Variants in FSTL4 observed in about 807,000 individuals in gnomAD.
FSTL4 encodes follistatin like 4.
In FSTL4, 28 loss-of-function variants were observed where a neutral mutation model predicts 78.2. That is an observed-to-expected ratio of 0.36 (90% CI 0.27 to 0.49). The LOEUF is 0.49. Ranked by LOEUF, FSTL4 falls within the 20% of genes least tolerant of loss-of-function variation. The pLI is 0.98. For missense variants in FSTL4, 922 were observed against 1,084.9 expected (o/e 0.85, Z 2.11); for synonymous variants, 422 against 440.5 (o/e 0.96, Z 0.53).
At chr5:133,210,352 G>C in intron 13 of FSTL4, 54 bp from the exon 14 acceptor site, 1 of 1,048,376 alleles carries the variant, frequency 9.5e-7, no homozygotes, top group Non-Finnish European at 1.5e-6. Context: ...TCATTTCTGG[G>C]CGTTGTATGC....
At chr5:133,840,446 A>G in the FSTL4 span, among the ~76,000 whole-genome samples, 14 of 152,234 alleles carry the variant, frequency 9.2e-5, no homozygotes, top group Non-Finnish European at 1.8e-4. Flanking sequence ...TGGAGGCAAT[A>G]AACACTCCGA....
the FSTL4 span, among the ~76,000 whole-genome samples, chr5:133,645,401 G>C: frequency 6.6e-6 from 1 of 152,126 alleles, no homozygotes; most frequent in African/African-American, 2.4e-5. Flanking sequence ...AGCACCTCTT[G>C]GAAAGGACAC....
At chr5:133,818,948 T>TATATATATATATATATATATAC in the FSTL4 span, among the ~76,000 whole-genome samples, 1 of 131,730 alleles carries the variant, frequency 7.6e-6, no homozygotes, top group Non-Finnish European at 1.6e-5. Flanking sequence ...TATATATATG[T>TATATATATATATATATATATAC]ACACACACAC....
the FSTL4 span, among the ~76,000 whole-genome samples, chr5:133,632,078 A>G: frequency 2.8e-4 from 42 of 152,310 alleles, no homozygotes; most frequent in East Asian, 6.2e-3. Context: ...GCAAACCACC[A>G]TGGCACATGT....
Position 133,316,493 on chromosome 5 carries a change from C to T in FSTL4, c.569G>A (p.Gly190Asp), listed in dbSNP as rs779290453. The T allele has an allele frequency of 1.9e-6, 3 of 1,614,130 alleles. No individual in the cohort carries two copies. Among genetic ancestry groups the T allele is most frequent in the Admixed American group, 3.3e-5 (2 of 60,026 alleles). The stretch of plus-strand genomic sequence containing the variant: ...TTCGGAGCTGCTGAGGTGGCCATTG[C>T]CATCTGCATCTAAGTCCCTGAACAG... ...ESLFRDLDAD[G>D]NGHLSSSELA... Residue 190 changes from glycine to aspartate, a missense_variant, in exon 5 of 16, where the codon GGC becomes GAC. Gly to Asp is a moderately conservative substitution (Grantham distance 94, BLOSUM62 -1). Coordinates refer to ENST00000265342, the MANE Select transcript of FSTL4 (RefSeq NM_015082.2).
the FSTL4 span, among the ~76,000 whole-genome samples, chr5:133,754,127 G>A: frequency 2.6e-5 from 4 of 152,156 alleles, no homozygotes; most frequent in African/African-American, 9.7e-5. Context: ...ATCAGAGTCA[G>A]ACAAGAGAAT....
the FSTL4 span, among the ~76,000 whole-genome samples, chr5:133,835,095 C>T: frequency 1.3e-5 from 2 of 152,122 alleles, no homozygotes; most frequent in Non-Finnish European, 2.9e-5. Flanking sequence ...AGATCAGTAC[C>T]CTCCTCCTAC....
the FSTL4 span, among the ~76,000 whole-genome samples, chr5:133,814,591 G>C: frequency 0.014 from 2,185 of 152,262 alleles, 59 homozygotes; most frequent in African/African-American, 0.051. Flanking sequence ...AGATGACTTA[G>C]TGGACCAGAA....
intron 6 of FSTL4, among the ~76,000 whole-genome samples, chr5:133,270,691 C>T (rs746887983): frequency 1.4e-4 from 22 of 152,272 alleles, no homozygotes; most frequent in Non-Finnish European, 2.5e-4. Flanking sequence ...ATGAGATCTG[C>T]TGAGGTGAGG....
chr5:133,237,969 G>C (rs1211163278), intron 7 of FSTL4, among the ~76,000 whole-genome samples: 2 of 151,748 alleles, frequency 1.3e-5, no homozygotes, highest in African/African-American at 4.8e-5. Context: ...TCTGTTTTCT[G>C]GGAAAGAGAC....
chr5:133,581,703 T>C (rs1760414235), intron 2 of FSTL4, among the ~76,000 whole-genome samples: 3 of 152,238 alleles, frequency 2.0e-5, no homozygotes, highest in South Asian at 2.1e-4. Flanking sequence ...AATGGGGACA[T>C]TTAAATAATC....
chr5:133,450,400 G>T (rs1338495085), intron 3 of FSTL4, among the ~76,000 whole-genome samples: 1 of 152,222 alleles, frequency 6.6e-6, no homozygotes, highest in African/African-American at 2.4e-5. Flanking sequence ...AATGGCTGGG[G>T]GAGGCTATGG....
chr5:133,835,637 C>G, the FSTL4 span, among the ~76,000 whole-genome samples: 1 of 152,148 alleles, frequency 6.6e-6, no homozygotes, highest in African/African-American at 2.4e-5. Context: ...ACAGGTAAAG[C>G]AAGCTCTAAG....
chr5:133,344,919 G>T (rs958812397), intron 4 of FSTL4, among the ~76,000 whole-genome samples: 48 of 150,426 alleles, frequency 3.2e-4, no homozygotes, highest in African/African-American at 1.2e-3. Flanking sequence ...TTCTTTCTAG[G>T]TTCCTTTTCT....
At chr5:133,265,921 T>C (rs1440495838) in intron 6 of FSTL4, among the ~76,000 whole-genome samples, 2 of 152,160 alleles carry the variant, frequency 1.3e-5, no homozygotes, top group African/African-American at 2.4e-5. Flanking sequence ...CTTCACAGCC[T>C]ACCACCCACA....
chr5:133,727,613 AG>A, the FSTL4 span, among the ~76,000 whole-genome samples: 1 of 152,224 alleles, frequency 6.6e-6, no homozygotes, highest in African/African-American at 2.4e-5. Context: ...TCAGGGTCAA[AG>A]GAGTGAAGGC....
chr5:133,812,838 G>A, the FSTL4 span, among the ~76,000 whole-genome samples: 1 of 152,218 alleles, frequency 6.6e-6, no homozygotes, highest in Non-Finnish European at 1.5e-5. Context: ...CTAGCACTTG[G>A]GAGATGCTTA....
chr5:133,447,581 C>T (rs1757294891), intron 3 of FSTL4, among the ~76,000 whole-genome samples: 1 of 152,098 alleles, frequency 6.6e-6, no homozygotes, highest in African/African-American at 2.4e-5. Flanking sequence ...ACTCTGTCAC[C>T]CAGGCTGGAA....
intron 7 of FSTL4, among the ~76,000 whole-genome samples, chr5:133,237,316 T>C (rs1344997589): frequency 6.6e-6 from 1 of 152,200 alleles, no homozygotes; most frequent in Non-Finnish European, 1.5e-5. Flanking sequence ...CCATCGCGCA[T>C]GGATTCCCAC....
Sources: allele counts gnomAD v4.1 joint callset (sites outside exome capture counted in the v4.1 genomes callset), GRCh38; gene constraint gnomAD v4.1.1; transcripts MANE v1.5; gene names NCBI Gene and HGNC (gene_info 2026-07-23, HGNC 2026-07-21).